Variants in ST3GAL3 observed in about 807,000 individuals in gnomAD.
ST3GAL3 encodes ST3 beta-galactoside alpha-2,3-sialyltransferase 3.
ST3GAL3 carries 21 observed loss-of-function variants against 50.1 expected under a neutral mutation model. The observed-to-expected ratio is 0.42, with a 90% CI of 0.30 to 0.60. The LOEUF is 0.60. ST3GAL3 is among the 20% of genes least tolerant of loss of function. The pLI is 0.19. For missense variants in ST3GAL3, 353 were observed against 489.4 expected (o/e 0.72, Z 2.63); for synonymous variants, 183 against 190.0 (o/e 0.96, Z 0.30).
intron 9 of ST3GAL3, among the ~76,000 whole-genome samples, chr1:43,905,740 G>T (rs1314437791): frequency 1.3e-5 from 1 of 77,736 alleles, no homozygotes; most frequent in South Asian, 5.4e-4. Flanking sequence ...TCCCCTTCCT[G>T]CCACTCTTCC....
At chr1:43,827,789 G>C (rs541442782) in intron 4 of ST3GAL3, among the ~76,000 whole-genome samples, 1 of 152,290 alleles carries the variant, frequency 6.6e-6, no homozygotes, top group East Asian at 1.9e-4. Context: ...TAGGATTACA[G>C]GTGTGAGCCA....
chr1:43,918,119 CTTTTT>C (rs573834844), intron 9 of ST3GAL3, among the ~76,000 whole-genome samples: 6 of 133,904 alleles, frequency 4.5e-5, no homozygotes, highest in African/African-American at 8.7e-5. Flanking sequence ...TTTTCTTTCT[CTTTTT>C]TTTTTTTTTT....
Position 43,899,178 on chromosome 1 carries a change from C to T in ST3GAL3, c.472C>T (p.Arg158Cys), listed in dbSNP as rs1452897265. 1.2e-6 allele frequency: 2 copies of T among 1,614,168 alleles called. No homozygotes were observed. The highest frequency in any genetic ancestry group is 8.5e-7 in the Non-Finnish European group (1 of 1,180,034). The change falls in exon 8 of 12, where the codon CGC becomes TGC. Residue 158 changes from arginine to cysteine, a missense_variant. By Grantham distance (180) the Arg-to-Cys change is radical. Coordinates refer to ENST00000347631, the MANE Select transcript of ST3GAL3 (RefSeq NM_006279.5). This position sits in a 1 kb window ranked among gnomAD's most constrained non-coding sequence, Gnocchi z 5.4. ...LTPALDSLRC[R>C]RCIIVGNGGV... ...CCTCTCTCCCCTCAGCCTCCGCTGCCGCCGCTGCATCATCGTGGGCAATGG... is the reference window on the plus strand; with the variant it reads ...CCTCTCTCCCCTCAGCCTCCGCTGCTGCCGCTGCATCATCGTGGGCAATGG...
At chr1:43,721,746 C>T (rs555953984) in intron 1 of ST3GAL3, among the ~76,000 whole-genome samples, 1 of 152,308 alleles carries the variant, frequency 6.6e-6, no homozygotes, top group South Asian at 2.1e-4. Context: ...AGATTACAGG[C>T]ATGTGCCACT....
chr1:43,929,262 C>G (rs993330111), intron 11 of ST3GAL3, among the ~76,000 whole-genome samples: 7 of 151,862 alleles, frequency 4.6e-5, no homozygotes, highest in African/African-American at 7.3e-5. Flanking sequence ...ACATTCTACC[C>G]CAAAAATATG....
At position 43,899,313 on chromosome 1, in the gene ST3GAL3, T is replaced by C. The variant is rs762866233; in HGVS notation, c.557+50T>C. The C allele has an allele frequency of 5.6e-6, 9 of 1,614,008 alleles. No homozygotes were observed. In the Admixed American group the frequency reaches 1.5e-4, roughly 27 times the overall value. ...GGGTGAGTGTCGTGGCCCCAACCCTTAGTCCTGAGCCCATTGAGAACTGTC... is the reference window on the plus strand; with the variant it reads ...GGGTGAGTGTCGTGGCCCCAACCCTCAGTCCTGAGCCCATTGAGAACTGTC... On this transcript the variant is annotated intron_variant, in intron 8 of 11. Coordinates refer to ENST00000347631, the MANE Select transcript of ST3GAL3 (RefSeq NM_006279.5). This position sits in a 1 kb window ranked among gnomAD's most constrained non-coding sequence, Gnocchi z 5.4.
At chr1:43,925,859 C>T (rs904962308) in intron 11 of ST3GAL3, among the ~76,000 whole-genome samples, 11 of 152,180 alleles carry the variant, frequency 7.2e-5, no homozygotes, top group African/African-American at 2.4e-4. Context: ...TGCTGGGAAA[C>T]CCAGTAAGAT....
chr1:43,829,467 C>T (rs1467298238), intron 4 of ST3GAL3, among the ~76,000 whole-genome samples: 2 of 152,184 alleles, frequency 1.3e-5, no homozygotes, highest in Non-Finnish European at 2.9e-5. Flanking sequence ...CCTCATTTCT[C>T]TCTTGGACTA....
At chr1:43,801,555 A>G in intron 3 of ST3GAL3, 1 of 353,300 alleles carries the variant, frequency 2.8e-6, no homozygotes, top group Non-Finnish European at 5.6e-6. Flanking sequence ...GGTAGGAAGT[A>G]ATACTTATGT....
intron 2 of ST3GAL3, among the ~76,000 whole-genome samples, chr1:43,778,644 C>CTTTTTTTTTTTTTTT (rs35726867): frequency 8.4e-5 from 10 of 118,702 alleles, no homozygotes; most frequent in Non-Finnish European, 1.5e-4. Flanking sequence ...TTCTTTTTTT[C>CTTTTTTTTTTTTTTT]TTTTTTTTTT....
intron 4 of ST3GAL3, among the ~76,000 whole-genome samples, chr1:43,815,394 A>C (rs189226287): frequency 1.3e-5 from 2 of 152,038 alleles, no homozygotes; most frequent in Non-Finnish European, 2.9e-5. Context: ...CTACCTTTGC[A>C]TGTGCTTGTT....
At chr1:43,871,642 AG>A (rs951514587) in intron 5 of ST3GAL3, among the ~76,000 whole-genome samples, 2 of 75,820 alleles carry the variant, frequency 2.6e-5, no homozygotes, top group Admixed American at 3.0e-4. Context: ...ATGGGGTGTG[AG>A]GGAGAAGATG....
chr1:43,851,218 C>A, intron 5 of ST3GAL3: 1 of 1,528,000 alleles, frequency 6.5e-7, no homozygotes, highest in South Asian at 1.1e-5. Context: ...TGTCTGGGTT[C>A]ACCTTATAGG....
At chr1:43,767,099 C>G (rs916408575) in intron 2 of ST3GAL3, among the ~76,000 whole-genome samples, 2 of 152,024 alleles carry the variant, frequency 1.3e-5, no homozygotes, top group Admixed American at 1.3e-4. Context: ...TGTGTGGAGG[C>G]TAGATTGCGA....
intron 9 of ST3GAL3, 69 bp from the exon 10 acceptor site, chr1:43,920,335 C>T (rs2082812452): frequency 1.9e-6 from 3 of 1,605,648 alleles, no homozygotes; most frequent in Middle Eastern, 1.7e-4. Flanking sequence ...TACTTGGGGT[C>T]CCTGCCACTC....
chr1:43,764,481 A>G (rs1691791171), intron 2 of ST3GAL3, among the ~76,000 whole-genome samples: 1 of 152,174 alleles, frequency 6.6e-6, no homozygotes, highest in South Asian at 2.1e-4. Flanking sequence ...ACTCTGAGAT[A>G]AAGATTAGGG....
At chr1:43,853,829 T>A (rs1425588470) in intron 5 of ST3GAL3, among the ~76,000 whole-genome samples, 1 of 152,162 alleles carries the variant, frequency 6.6e-6, no homozygotes, top group Admixed American at 6.5e-5. Flanking sequence ...TTTGCAGAGC[T>A]CTCTGAGGCA....
chr1:43,841,127 C>A (rs1246171378), intron 5 of ST3GAL3: 4 of 152,368 alleles, frequency 2.6e-5, no homozygotes, highest in African/African-American at 9.6e-5. Flanking sequence ...CAGGGTGCAG[C>A]CCCTGTGGCT....
intron 5 of ST3GAL3, among the ~76,000 whole-genome samples, chr1:43,853,714 G>A (rs1197826387): frequency 3.9e-5 from 6 of 152,194 alleles, no homozygotes; most frequent in African/African-American, 1.4e-4. Context: ...TGGGGTGTGT[G>A]GTGTGTATCT....
Sources: gnomAD v4.1 joint callset for allele counts (sites outside exome capture counted in the v4.1 genomes callset) on GRCh38, gnomAD v4.1.1 for gene constraint, Gnocchi (gnomAD v3.1) non-coding constraint, MANE v1.5 for transcripts, NCBI Gene and HGNC (gene_info 2026-07-23, HGNC 2026-07-21) for gene names.